Variants in C13orf46 observed in about 807,000 individuals in gnomAD.
C13orf46 encodes the protein chromosome 13 open reading frame 46.
chr13:113,945,774 T>C, the C13orf46 span, among the ~76,000 whole-genome samples: 1 of 152,132 alleles, frequency 6.6e-6, no homozygotes, highest in Non-Finnish European at 1.5e-5. Context: ...GTTCCTCCCT[T>C]GGGAGGCGTC....
downstream of C13orf46, among the ~76,000 whole-genome samples, chr13:113,949,695 G>A (rs1482040207): frequency 6.6e-6 from 1 of 152,198 alleles, no homozygotes; most frequent in Non-Finnish European, 1.5e-5. Context: ...TGTGCTCCCA[G>A]CCTCTGCCAG....
At chr13:113,953,014 C>A (rs2052495554), downstream of C13orf46, among the ~76,000 whole-genome samples, 1 of 152,236 alleles carries the variant, frequency 6.6e-6, no homozygotes, top group South Asian at 2.1e-4. Flanking sequence ...CAAAGCCCAG[C>A]CTCGTCCCCT....
chr13:113,941,932 C>T, the C13orf46 span, among the ~76,000 whole-genome samples: 25 of 152,222 alleles, frequency 1.6e-4, no homozygotes, highest in African/African-American at 6.0e-4. Context: ...CTGTCCTTGC[C>T]GGCGGCTGAC....
chr13:113,960,234 C>G (rs1051525451), intron 6 of C13orf46, among the ~76,000 whole-genome samples: 20 of 148,688 alleles, frequency 1.3e-4, no homozygotes, highest in African/African-American at 4.7e-4. Flanking sequence ...ACAGCCTGGG[C>G]GACAGAGCGA....
chr13:113,927,740 C>T, the C13orf46 span: 3,274 of 396,908 alleles, frequency 8.2e-3, 53 homozygotes, highest in African/African-American at 0.052. Flanking sequence ...AGGCCATGTG[C>T]GGTGTCACCT....
downstream of C13orf46, among the ~76,000 whole-genome samples, chr13:113,950,770 C>T (rs2052485491): frequency 6.6e-6 from 1 of 152,180 alleles, no homozygotes; most frequent in Non-Finnish European, 1.5e-5. Flanking sequence ...GAGCCGGCGC[C>T]CAGGGGAGAC....
chr13:113,948,682 T>A, the C13orf46 span, among the ~76,000 whole-genome samples: 3 of 152,340 alleles, frequency 2.0e-5, no homozygotes, highest in African/African-American at 4.8e-5. Context: ...ACTGCTCAGT[T>A]CATGAATTGC....
At chr13:113,931,757 C>T in the C13orf46 span, among the ~76,000 whole-genome samples, 1 of 152,224 alleles carries the variant, frequency 6.6e-6, no homozygotes, top group African/African-American at 2.4e-5. Flanking sequence ...AAATCCATCT[C>T]TTTACGGTCA....
the C13orf46 span, among the ~76,000 whole-genome samples, chr13:113,943,409 T>A: frequency 1.3e-5 from 2 of 152,176 alleles, no homozygotes; most frequent in Non-Finnish European, 2.9e-5. Context: ...AACTTTCCGG[T>A]GGACAATTGG....
intron 6 of C13orf46, among the ~76,000 whole-genome samples, chr13:113,961,196 T>C (rs949556939): frequency 2.6e-5 from 4 of 152,220 alleles, no homozygotes; most frequent in African/African-American, 9.6e-5. Flanking sequence ...TAAAACTCTA[T>C]GGGTAGCATC....
intron 6 of C13orf46, among the ~76,000 whole-genome samples, chr13:113,957,455 C>T (rs1226280151): frequency 1.2e-4 from 16 of 135,282 alleles, no homozygotes; most frequent in Middle Eastern, 5.3e-3. Context: ...ACTCTGCCTG[C>T]ACCCCCTTTC....
At chr13:113,935,307 G>A in the C13orf46 span, among the ~76,000 whole-genome samples, 4 of 152,358 alleles carry the variant, frequency 2.6e-5, no homozygotes, top group South Asian at 2.1e-4. Flanking sequence ...TGGGAGGGGC[G>A]ACTGCAGAGG....
In C13orf46 at chr13:113,962,411, CAAA is replaced by C. The variant is rs1183539373; in HGVS notation, c.572+2513_572+2515del. On this transcript the variant is annotated intron_variant, in intron 6 of 6. Transcript: ENST00000636427. ...ACAGAGTGAGACTGTGTCTCAAAAA[CAAA>C]AAAAGAGATGGAGCCTGCCAAAGCA... Among the ~76,000 whole-genome samples the C allele has an allele frequency of 9.9e-5, 15 of 152,056 alleles. No homozygotes were observed. The South Asian group carries it at 2.9e-3, about 30-fold the overall frequency.
intron 1 of C13orf46, chr13:113,970,554 C>A (rs2052693242): frequency 6.6e-6 from 1 of 152,250 alleles, no homozygotes; most frequent in Admixed American, 6.5e-5. Flanking sequence ...TCTTGAAACT[C>A]CTCTTTGTCC....
downstream of C13orf46, among the ~76,000 whole-genome samples, chr13:113,950,443 G>A (rs896712189): frequency 6.6e-6 from 1 of 151,584 alleles, no homozygotes; most frequent in Non-Finnish European, 1.5e-5. Flanking sequence ...GTAGAGTGGG[G>A]TCCTCACCCC....
rs1249965777 is a variant in C13orf46, at chr13:113,958,855, GTGGGGTCTCTCCTGGGGTCTCTC to G, written c.573-2039_573-2017del. ...TCTGGCCCCTGCACAGCTGCACGTG[GTGGGGTCTCTCCTGGGGTCTCTC>G]TGGGTCCTCTCCTGGGGCTGTGCTA... is the stretch of plus-strand genomic sequence containing the variant. On this transcript the variant is annotated intron_variant, in intron 6 of 6. Transcript: ENST00000636427. 1.7e-3 allele frequency among the ~76,000 whole-genome samples: 257 copies of G among 152,328 alleles called. 2 individuals are homozygous for G. Among genetic ancestry groups the G allele is most frequent in the Admixed American group, 7.0e-3 (107 of 15,306 alleles).
chr13:113,949,683 G>T (rs2052481551), downstream of C13orf46, among the ~76,000 whole-genome samples: 1 of 152,238 alleles, frequency 6.6e-6, no homozygotes, highest in African/African-American at 2.4e-5. Context: ...GCCCCGACAA[G>T]CTGTGCTCCC....
At chr13:113,951,145 A>AT (rs1295126650), downstream of C13orf46, among the ~76,000 whole-genome samples, 7 of 152,294 alleles carry the variant, frequency 4.6e-5, no homozygotes, top group South Asian at 1.2e-3. Context: ...GGTGATCATC[A>AT]TAAGGGACGT....
At chr13:113,939,377 C>T in the C13orf46 span, among the ~76,000 whole-genome samples, 4 of 151,900 alleles carry the variant, frequency 2.6e-5, no homozygotes, top group Non-Finnish European at 5.9e-5. Flanking sequence ...GCAGACCACC[C>T]GATGGGGAGG....
Sources: allele counts gnomAD v4.1 joint callset (sites outside exome capture counted in the v4.1 genomes callset), GRCh38; gene constraint gnomAD v4.1.1; transcripts MANE v1.5; gene names NCBI Gene and HGNC (gene_info 2026-07-23, HGNC 2026-07-21).